Variants in CLVS1 observed in about 807,000 individuals in gnomAD.
CLVS1 encodes clavesin 1.
CLVS1 carries 10 observed loss-of-function variants against 33.1 expected under a neutral mutation model. The ratio of observed to expected loss-of-function variants is 0.30; its 90% CI spans 0.19 to 0.51. The LOEUF (loss-of-function observed/expected upper bound fraction) is 0.51, where lower values mean the gene tolerates loss of function less well. Among genes scored for constraint, CLVS1 ranks in the 20% least tolerant of loss-of-function variants. The pLI is 0.97. For synonymous variants in CLVS1, 163 were observed against 166.1 expected, an observed-to-expected ratio of 0.98 and a Z score of 0.14; for missense variants, 343 against 433.4, an observed-to-expected ratio of 0.79 and a Z score of 1.85.
At chr8:61,256,650 A>AC (rs113831400) in intron 2 of CLVS1, among the ~76,000 whole-genome samples, 87,662 of 139,302 alleles carry the variant, frequency 0.63, 31,589 homozygotes, top group East Asian at 0.97. Flanking sequence ...AAAAACAAAA[A>AC]AAAAAAATAT....
intron 2 of CLVS1, among the ~76,000 whole-genome samples, chr8:61,223,567 T>A (rs989878338): frequency 6.6e-6 from 1 of 152,208 alleles, no homozygotes; most frequent in African/African-American, 2.4e-5. Flanking sequence ...TGATGGGCTT[T>A]CCTTTGTAGG....
the CLVS1 span, among the ~76,000 whole-genome samples, chr8:61,015,140 G>C: frequency 6.6e-6 from 1 of 152,218 alleles, no homozygotes; most frequent in African/African-American, 2.4e-5. Context: ...GAACATTTGT[G>C]GTTTGGCTAT....
chr8:61,201,695 G>C (rs969807916), intron 2 of CLVS1, among the ~76,000 whole-genome samples: 1 of 151,370 alleles, frequency 6.6e-6, no homozygotes, highest in Non-Finnish European at 1.5e-5. Context: ...CCTTTATTCT[G>C]TTTCCTGACA....
intron 5 of CLVS1, among the ~76,000 whole-genome samples, chr8:61,488,898 G>A (rs1803968978): frequency 6.6e-6 from 1 of 152,174 alleles, no homozygotes; most frequent in Non-Finnish European, 1.5e-5. Flanking sequence ...GGATGGGTGT[G>A]TCTTCTGGCA....
At chr8:61,281,403 A>G (rs1180603123) in intron 2 of CLVS1, among the ~76,000 whole-genome samples, 1 of 152,158 alleles carries the variant, frequency 6.6e-6, no homozygotes, top group African/African-American at 2.4e-5. Flanking sequence ...CCCTAATGTA[A>G]TAGGACTGAT....
intron 1 of CLVS1, among the ~76,000 whole-genome samples, chr8:61,118,505 A>T (rs1464498588): frequency 6.7e-6 from 1 of 149,808 alleles, no homozygotes; most frequent in Non-Finnish European, 1.5e-5. Context: ...TCTTGTGGGC[A>T]TTTAGTGCTA....
At chr8:61,124,030 C>G (rs920147673) in intron 1 of CLVS1, among the ~76,000 whole-genome samples, 1 of 152,054 alleles carries the variant, frequency 6.6e-6, no homozygotes, top group Non-Finnish European at 1.5e-5. Context: ...GACAAAAAGA[C>G]TCCTACTTTC....
intron 5 of CLVS1, among the ~76,000 whole-genome samples, chr8:61,480,538 G>A (rs1039821973): frequency 1.3e-5 from 2 of 152,282 alleles, no homozygotes; most frequent in South Asian, 2.1e-4. Context: ...TCCCAGGTGA[G>A]GTGATGCCTC....
At position 61,444,848 on chromosome 8, in the gene CLVS1, T is replaced by C. The variant is rs144134511; in HGVS notation, c.631-9293T>C. 5.8e-4 allele frequency among the ~76,000 whole-genome samples: 89 copies of C among 152,264 alleles called. No homozygotes were observed. The East Asian group carries it at 0.016, about 27-fold the overall frequency. On this transcript the variant is annotated intron_variant, in intron 3 of 5. Transcript: ENST00000325897. ...CTTGTGGGTAGGTGTTGTTGCTAGT[T>C]GTCTAGTAACTGACCCTGGGGTGAT...
Position 61,101,640 on chromosome 8 carries a change from T to C in CLVS1, c.-242-30130T>C, listed in dbSNP as rs368386486. Among the ~76,000 whole-genome samples, 4 of 152,270 alleles carry C rather than the reference T, an allele frequency of 2.6e-5. No homozygotes were observed. The East Asian group carries it at 5.8e-4, about 22-fold the overall frequency. ...ACTTTGATGATGTCTGGTTTATTTA[T>C]TTATTTATTTGCTTTTGGTGTCATT... On this transcript the variant is annotated intron_variant, in intron 1 of 2. Transcript: ENST00000522621.
chr8:61,464,543 T>C (rs192545353), intron 5 of CLVS1: 8 of 152,350 alleles, frequency 5.3e-5, no homozygotes, highest in Admixed American at 5.2e-4. Flanking sequence ...AGGAGCAAGA[T>C]GCTGCTACAG....
chr8:60,975,568 TG>T, the CLVS1 span, among the ~76,000 whole-genome samples: 1 of 152,128 alleles, frequency 6.6e-6, no homozygotes, highest in Non-Finnish European at 1.5e-5. Flanking sequence ...AGCCCCCAGA[TG>T]CAGGAAGAGG....
At chr8:61,160,292 T>C (rs1806727903) in intron 2 of CLVS1, among the ~76,000 whole-genome samples, 2 of 152,242 alleles carry the variant, frequency 1.3e-5, no homozygotes, top group South Asian at 4.1e-4. Context: ...ATGACTGAAA[T>C]CAGTATCTGA....
Position 61,141,075 on chromosome 8 carries a change from C to T in CLVS1, c.-152+9215C>T, listed in dbSNP as rs73685745. 7.6e-3 allele frequency among the ~76,000 whole-genome samples: 1,154 copies of T among 152,260 alleles called. 15 individuals are homozygous for T. Among genetic ancestry groups the T allele is most frequent in the African/African-American group, 0.025 (1,047 of 41,522 alleles). ...TTTTATTATTTCACTTATCTGCGCT[C>T]ATCTGAACTCATCTAAATGGGTGTA... On this transcript the variant is annotated intron_variant, in intron 2 of 2. Transcript: ENST00000522621.
intron 2 of CLVS1, among the ~76,000 whole-genome samples, chr8:61,229,814 G>C (rs1400881941): frequency 6.6e-6 from 1 of 152,182 alleles, no homozygotes; most frequent in African/African-American, 2.4e-5. Context: ...TATTTTGGTA[G>C]AGAGAAGGTT....
chr8:61,372,766 A>G (rs1162813964), intron 2 of CLVS1, among the ~76,000 whole-genome samples: 1 of 152,082 alleles, frequency 6.6e-6, no homozygotes. Flanking sequence ...CCTGTCAGGT[A>G]TTTTGTAGAA....
chr8:61,264,898 T>A (rs569423486), intron 2 of CLVS1: 1 of 152,218 alleles, frequency 6.6e-6, no homozygotes, highest in South Asian at 2.1e-4. Flanking sequence ...TTAGTTTCTA[T>A]AGGAAACCAG....
At chr8:61,251,321 T>A (rs1585722602) in intron 2 of CLVS1, among the ~76,000 whole-genome samples, 1 of 152,166 alleles carries the variant, frequency 6.6e-6, no homozygotes, top group East Asian at 1.9e-4. Context: ...TTGCCAGTAT[T>A]TTATTGAGGA....
chr8:60,972,832 G>A, the CLVS1 span, among the ~76,000 whole-genome samples: 1 of 152,206 alleles, frequency 6.6e-6, no homozygotes, highest in African/African-American at 2.4e-5. Flanking sequence ...AGGCAGATTT[G>A]AATAGTAATA....
Sources: gnomAD v4.1 joint callset for allele counts (sites outside exome capture counted in the v4.1 genomes callset) on GRCh38, gnomAD v4.1.1 for gene constraint, MANE v1.5 for transcripts, NCBI Gene and HGNC (gene_info 2026-07-23, HGNC 2026-07-21) for gene names.